FAM168B: variants seen among roughly 807,000 people sequenced by gnomAD.
FAM168B encodes myelin-associated neurite-outgrowth inhibitor.
Under a neutral mutation model 21.8 loss-of-function variants are expected in FAM168B, and 19 were observed. The ratio of observed to expected loss-of-function variants is 0.87; its 90% CI spans 0.61 to 1.28. FAM168B has a LOEUF of 1.28. Ranked by LOEUF, FAM168B falls within the 50% of genes most tolerant of loss-of-function variation. The probability of loss-of-function intolerance (pLI) is 0.00; values close to 1 mark genes in which losing one functional copy is unlikely to be tolerated. For missense variants in FAM168B, 233 were observed against 263.1 expected (o/e 0.89, Z 0.79); for synonymous variants, 126 against 104.8 (o/e 1.20, Z -1.24).
intron 1 of FAM168B, among the ~76,000 whole-genome samples, chr2:131,090,609 T>C (rs1693958336): frequency 1.3e-5 from 2 of 151,994 alleles, no homozygotes; most frequent in Non-Finnish European, 1.5e-5. Flanking sequence ...CAAGTGCCTG[T>C]AACACCAGTG....
At chr2:131,092,611 T>C in intron 1 of FAM168B, among the ~76,000 whole-genome samples, 1 of 152,192 alleles carries the variant, frequency 6.6e-6, no homozygotes, top group East Asian at 1.9e-4. Flanking sequence ...GCCCATGAGA[T>C]GCACACTTCA....
chr2:131,081,872 T>G (rs1026923749), intron 2 of FAM168B, among the ~76,000 whole-genome samples: 57 of 152,236 alleles, frequency 3.7e-4, no homozygotes, highest in African/African-American at 1.3e-3. Context: ...GTAAAATGTT[T>G]TATTTCACTT....
chr2:131,066,123 C>G (rs1203203788), intron 3 of FAM168B, among the ~76,000 whole-genome samples: 1 of 151,650 alleles, frequency 6.6e-6, no homozygotes, highest in Non-Finnish European at 1.5e-5. Flanking sequence ...ACCATGGAAG[C>G]TATTTCATCA....
chr2:131,050,138 G>A lies in FAM168B; in HGVS notation c.*2327C>T, dbSNP rs571737274. ...CTGATGTAAATGGCGTGTGGGGGGT[G>A]CAGCCCACTCTTTAAAACACCATCC... On this transcript the variant is annotated 3_prime_UTR_variant, in exon 7 of 7. Coordinates refer to ENST00000389915, the MANE Select transcript of FAM168B (RefSeq NM_001009993.4). 4 of 985,334 alleles carry A rather than the reference G, an allele frequency of 4.1e-6. No individual in the cohort carries two copies. The highest frequency in any genetic ancestry group is 4.8e-6 in the Non-Finnish European group (4 of 829,944). The allele number at this position is 985,334 out of a possible 1,614,324, so 61.0% of individuals were successfully genotyped here. A position where few individuals can be genotyped will look rare whatever the true frequency, so the allele number is the denominator to read the frequency against.
intron 3 of FAM168B, among the ~76,000 whole-genome samples, chr2:131,067,691 A>C (rs980305540): frequency 6.6e-6 from 1 of 152,164 alleles, no homozygotes; most frequent in African/African-American, 2.4e-5. Context: ...ACTGCACTCC[A>C]GCCTAGGCAA....
intron 2 of FAM168B, among the ~76,000 whole-genome samples, chr2:131,082,328 A>C (rs1183429850): frequency 3.3e-5 from 5 of 152,168 alleles, no homozygotes; most frequent in African/African-American, 9.6e-5. Flanking sequence ...GACCAACACT[A>C]AGTTAATACT....
In FAM168B at chr2:131,048,240, C is replaced by T; in HGVS notation, c.*4225G>A. 7.7e-7 allele frequency: 1 copy of T among 1,303,976 alleles called. No homozygotes were observed. The highest frequency in any genetic ancestry group is 1.0e-6 in the Non-Finnish European group (1 of 988,724). 80.8% of individuals were successfully genotyped at this position (1,303,976 alleles called of 1,614,324 possible). On this transcript the variant is annotated 3_prime_UTR_variant, in exon 7 of 7. Transcript: ENST00000389915. Reference sequence around the variant, plus strand: ...ATCCATGAGGCTCTCTAGGGCCTCTCCGTGTGGCCAGCACAGCAACCCTGC... The same window carrying T: ...ATCCATGAGGCTCTCTAGGGCCTCTTCGTGTGGCCAGCACAGCAACCCTGC...
intron 1 of FAM168B, among the ~76,000 whole-genome samples, chr2:131,089,018 G>C (rs949923219): frequency 1.3e-5 from 2 of 150,864 alleles, no homozygotes; most frequent in Non-Finnish European, 2.9e-5. Flanking sequence ...CCAGGCTGGA[G>C]TGCAATGGCG....
At chr2:131,055,005 G>A (rs1691933776) in intron 5 of FAM168B, among the ~76,000 whole-genome samples, 2 of 152,116 alleles carry the variant, frequency 1.3e-5, no homozygotes, top group African/African-American at 4.8e-5. Flanking sequence ...ATAGGGGGTG[G>A]GAGGAGAGGG....
chr2:131,075,346 GA>G (rs1339329269), intron 2 of FAM168B, among the ~76,000 whole-genome samples: 1 of 150,968 alleles, frequency 6.6e-6, no homozygotes, highest in Non-Finnish European at 1.5e-5. Flanking sequence ...ATAATTTCCA[GA>G]AATTCCAAAT....
chr2:131,064,443 C>T (rs1692455390), intron 3 of FAM168B, among the ~76,000 whole-genome samples: 1 of 152,100 alleles, frequency 6.6e-6, no homozygotes, highest in African/African-American at 2.4e-5. Flanking sequence ...ACCAAGGTTA[C>T]ACTCAATCAG....
At chr2:131,071,744 G>C (rs1021597644) in intron 3 of FAM168B, 111 bp downstream of exon 3, 6 of 909,692 alleles carry the variant, frequency 6.6e-6, no homozygotes, top group Non-Finnish European at 1.1e-5. Context: ...TAATGAACTT[G>C]AGAAATCGAC....
chr2:131,053,103 A>G (rs968580644), intron 5 of FAM168B, 88 bp from the exon 6 acceptor site: 3 of 1,442,348 alleles, frequency 2.1e-6, no homozygotes, highest in Non-Finnish European at 2.7e-6. Flanking sequence ...GCCTCTTTGC[A>G]AGGAGGAGGG....
chr2:131,082,761 C>T lies in FAM168B; in HGVS notation c.-11-104G>A, dbSNP rs573499429. On this transcript the variant is annotated intron_variant, in intron 1 of 6. Coordinates refer to ENST00000389915, the MANE Select transcript of FAM168B (RefSeq NM_001009993.4). ...TAGCTAGAGTCCTTTCTCTAGGCTG[C>T]TATAAAACAATGCATTTCATGCTGC... 2.0e-4 allele frequency: 136 copies of T among 675,588 alleles called. No homozygotes were observed. The African/African-American group carries it at 2.3e-3, about 11-fold the overall frequency. The allele number at this position is 675,588 out of a possible 1,614,324, so 41.8% of individuals were successfully genotyped here. A position where few individuals can be genotyped will look rare whatever the true frequency, so the allele number is the denominator to read the frequency against.
chr2:131,081,662 A>T (rs1447782164), intron 2 of FAM168B, among the ~76,000 whole-genome samples: 1 of 152,142 alleles, frequency 6.6e-6, no homozygotes, highest in Non-Finnish European at 1.5e-5. Context: ...GACTGATAAG[A>T]AGTCTCACTC....
In FAM168B at chr2:131,049,526, C is replaced by G; in HGVS notation, c.*2939G>C. On this transcript the variant is annotated 3_prime_UTR_variant, in exon 7 of 7. Transcript: ENST00000389915. ...CTCACAGAGCGGCAAGTTCATGGGT[C>G]ACTGGCTCACACTAAATGCTCAGCC... 1 of 985,460 alleles carries G rather than the reference C, an allele frequency of 1.0e-6. No individual in the cohort carries two copies. The highest frequency in any genetic ancestry group is 1.7e-5 in the African/African-American group (1 of 57,348). The allele number at this position is 985,460 out of a possible 1,614,324, so 61.0% of individuals were successfully genotyped here.
chr2:131,082,463 T>C, intron 2 of FAM168B, 114 bp downstream of exon 2: 2 of 696,500 alleles, frequency 2.9e-6, no homozygotes, highest in South Asian at 4.1e-5. Context: ...AGGTATTTTC[T>C]TTCTTGTCTA....
intron 3 of FAM168B, among the ~76,000 whole-genome samples, chr2:131,071,626 A>C (rs1438115430): frequency 2.0e-5 from 3 of 152,212 alleles, no homozygotes; most frequent in Non-Finnish European, 4.4e-5. Context: ...CAGAGTTAAC[A>C]ACCTAGTGAT....
At chr2:131,075,184 T>C (rs975588042) in intron 2 of FAM168B, among the ~76,000 whole-genome samples, 2 of 151,672 alleles carry the variant, frequency 1.3e-5, no homozygotes, top group Non-Finnish European at 2.9e-5. Context: ...AGAAGCCCAA[T>C]TGTGAGCACA....
Sources: allele counts gnomAD v4.1 joint callset (sites outside exome capture counted in the v4.1 genomes callset), GRCh38; gene constraint gnomAD v4.1.1; transcripts MANE v1.5; gene names NCBI Gene and HGNC (gene_info 2026-07-23, HGNC 2026-07-21).